Variants in PALLD observed in about 807,000 individuals in gnomAD.
PALLD encodes palladin, cytoskeletal associated protein, also known as palladin.
PALLD carries 61 observed loss-of-function variants against 123.5 expected under a neutral mutation model. That is an observed-to-expected ratio of 0.49 (90% CI 0.40 to 0.61). The LOEUF (loss-of-function observed/expected upper bound fraction) is 0.61, where lower values mean the gene tolerates loss of function less well. PALLD is among the 20% of genes least tolerant of loss of function. The pLI, the probability that PALLD is intolerant of heterozygous loss-of-function variation, is 0.00. For missense variants in PALLD, 1,273 were observed against 1,377.0 expected (o/e 0.92, Z 1.20); for synonymous variants, 465 against 496.4 (o/e 0.94, Z 0.84).
Position 168,692,028 on chromosome 4 carries a change from G to T in PALLD, c.1501+736G>T, listed in dbSNP as rs138534868. On this transcript the variant is annotated intron_variant, in intron 8 of 21. Coordinates refer to ENST00000505667, the MANE Select transcript of PALLD (RefSeq NM_001166108.2). ...TCTTTTGTATTTTTCCCATCAGCAG[G>T]GTCACAATTTCACTTATTTCTGAAC... 1.3e-3 allele frequency among the ~76,000 whole-genome samples: 200 copies of T among 152,196 alleles called. 1 individual carries two copies. The East Asian group carries it at 0.023, about 17-fold the overall frequency.
At chr4:168,811,677 A>C (rs1277701717) in intron 10 of PALLD, among the ~76,000 whole-genome samples, 1 of 152,128 alleles carries the variant, frequency 6.6e-6, no homozygotes, top group Non-Finnish European at 1.5e-5. Context: ...TAGAGGTTGC[A>C]GTGAGCCATA....
chr4:168,542,976 A>T (rs1765787662), intron 2 of PALLD, among the ~76,000 whole-genome samples: 1 of 151,438 alleles, frequency 6.6e-6, no homozygotes, highest in African/African-American at 2.4e-5. Context: ...TTTCCGTATG[A>T]CCTAATCACC....
At chr4:168,911,550 C>T (rs1288499105) in intron 15 of PALLD, among the ~76,000 whole-genome samples, 8 of 152,172 alleles carry the variant, frequency 5.3e-5, no homozygotes, top group Non-Finnish European at 1.2e-4. Context: ...TTTAAGTGTT[C>T]ATGTGTTATC....
intron 10 of PALLD, among the ~76,000 whole-genome samples, chr4:168,793,957 G>T (rs1330281967): frequency 1.3e-5 from 2 of 152,138 alleles, no homozygotes; most frequent in Non-Finnish European, 2.9e-5. Context: ...ATTCCAGGAA[G>T]GCCACGTTCT....
rs1448215619 is a variant in PALLD, at chr4:168,691,407, GTGGCTCCC to G, written c.1501+119_1501+126del. The stretch of plus-strand genomic sequence containing the variant: ...AAGCCGTAAGCAGAACAATGTTTTT[GTGGCTCCC>G]TGGAAATGTGAAACCCCCTTAAAAA... On this transcript the variant is annotated intron_variant, in intron 8 of 21. Transcript: ENST00000505667. 1.3e-3 allele frequency: 1,111 copies of G among 843,200 alleles called. 9 individuals carry two copies. In the East Asian group the frequency reaches 0.016, roughly 12 times the overall value. The allele number at this position is 843,200 out of a possible 1,614,324, so 52.2% of individuals were successfully genotyped here. A position where few individuals can be genotyped will look rare whatever the true frequency, so the allele number is the denominator to read the frequency against.
At chr4:168,761,215 A>G (rs1038552069) in intron 10 of PALLD, among the ~76,000 whole-genome samples, 2 of 152,138 alleles carry the variant, frequency 1.3e-5, no homozygotes, top group African/African-American at 4.8e-5. Context: ...ACACATTTCC[A>G]TGGAGTATAT....
chr4:168,746,379 T>TGAAA (rs1730302802), intron 10 of PALLD, among the ~76,000 whole-genome samples: 1 of 11,746 alleles, frequency 8.5e-5, no homozygotes, highest in Non-Finnish European at 1.4e-4. Context: ...AGAACCCGTC[T>TGAAA]CAAAAAAAAA....
chr4:168,547,511 A>G (rs529459293), intron 2 of PALLD, among the ~76,000 whole-genome samples: 2 of 146,642 alleles, frequency 1.4e-5, no homozygotes, highest in Admixed American at 1.4e-4. Context: ...GCCTGAGCTC[A>G]GGAGTTTTGA....
chr4:168,919,662 C>G (rs1453946742), intron 17 of PALLD, among the ~76,000 whole-genome samples: 1 of 152,120 alleles, frequency 6.6e-6, no homozygotes, highest in Non-Finnish European at 1.5e-5. Flanking sequence ...GCTTTTCCTC[C>G]AAAAAGCCCC....
At chr4:168,719,578 A>C (rs564853209) in intron 10 of PALLD, among the ~76,000 whole-genome samples, 1 of 152,252 alleles carries the variant, frequency 6.6e-6, no homozygotes, top group East Asian at 1.9e-4. Context: ...TATTTAAAAA[A>C]GTTTTTCTTA....
At chr4:168,510,591 A>G (rs1762441399) in intron 1 of PALLD, among the ~76,000 whole-genome samples, 1 of 152,224 alleles carries the variant, frequency 6.6e-6, no homozygotes, top group African/African-American at 2.4e-5. Flanking sequence ...CCCTTTTTGT[A>G]TGCCCTGCAA....
chr4:168,830,217 G>GT (rs1333486519), intron 10 of PALLD, among the ~76,000 whole-genome samples: 3 of 139,454 alleles, frequency 2.2e-5, no homozygotes, highest in Non-Finnish European at 4.6e-5. Context: ...GGGTGACAGA[G>GT]TGAGACTTTG....
chr4:168,710,355 A>G (rs1211865039), intron 9 of PALLD, among the ~76,000 whole-genome samples: 1 of 151,918 alleles, frequency 6.6e-6, no homozygotes, highest in Non-Finnish European at 1.5e-5. Flanking sequence ...TAATTGCCTC[A>G]TCTCTGCCAT....
At chr4:168,544,040 C>A (rs142983159) in intron 2 of PALLD, among the ~76,000 whole-genome samples, 278 of 152,272 alleles carry the variant, frequency 1.8e-3, no homozygotes, top group Middle Eastern at 6.8e-3. Flanking sequence ...ATACTGAAAA[C>A]AAATTTCTTG....
intron 8 of PALLD, among the ~76,000 whole-genome samples, chr4:168,693,379 A>C (rs1412301533): frequency 6.6e-6 from 1 of 152,236 alleles, no homozygotes; most frequent in Non-Finnish European, 1.5e-5. Flanking sequence ...ATTATTTAAT[A>C]AAATTAGTCC....
chr4:168,920,310 T>A (rs1020483143), intron 17 of PALLD, among the ~76,000 whole-genome samples: 6 of 152,204 alleles, frequency 3.9e-5, no homozygotes, highest in African/African-American at 1.4e-4. Context: ...TCATTTAAGT[T>A]TACTTTAAAT....
chr4:168,807,646 T>G (rs1279625618), intron 10 of PALLD, among the ~76,000 whole-genome samples: 1 of 151,852 alleles, frequency 6.6e-6, no homozygotes, highest in Non-Finnish European at 1.5e-5. Flanking sequence ...TGACCTCAGG[T>G]GATCCGCCCA....
chr4:168,914,138 G>T, intron 16 of PALLD, 117 bp downstream of exon 16: 1 of 738,450 alleles, frequency 1.4e-6, no homozygotes, highest in Non-Finnish European at 2.4e-6. Flanking sequence ...GATAGAATAG[G>T]AATGCAAACC....
intron 6 of PALLD, among the ~76,000 whole-genome samples, chr4:168,689,015 T>C (rs1208165333): frequency 6.6e-6 from 1 of 152,164 alleles, no homozygotes; most frequent in Non-Finnish European, 1.5e-5. Context: ...AAGAAAAATA[T>C]GATTTAAAAC....
Sources: allele counts gnomAD v4.1 joint callset (sites outside exome capture counted in the v4.1 genomes callset), GRCh38; gene constraint gnomAD v4.1.1; transcripts MANE v1.5; gene names NCBI Gene and HGNC (gene_info 2026-07-23, HGNC 2026-07-21).